Variants in KDM5A observed in about 807,000 individuals in gnomAD.
KDM5A encodes lysine-specific demethylase 5A.
Under a neutral mutation model 193.5 loss-of-function variants are expected in KDM5A, and 42 were observed. The observed-to-expected ratio is 0.22, with a 90% CI of 0.17 to 0.28. The LOEUF (loss-of-function observed/expected upper bound fraction) is 0.28, where lower values mean the gene tolerates loss of function less well. Among genes scored for constraint, KDM5A ranks in the 10% least tolerant of loss-of-function variants. KDM5A has a pLI of 1.00. For synonymous variants in KDM5A, 796 were observed against 718.1 expected, an observed-to-expected ratio of 1.11 and a Z score of -1.73; for missense variants, 1,692 against 2,055.1, an observed-to-expected ratio of 0.82 and a Z score of 3.42.
chr12:328,541 AT>A (rs1481134782), intron 14 of KDM5A, among the ~76,000 whole-genome samples: 4 of 152,230 alleles, frequency 2.6e-5, no homozygotes, highest in African/African-American at 7.2e-5. Flanking sequence ...GAAAAAAAAA[AT>A]GATTTAAATT....
chr12:288,322 A>G (rs1050124262), intron 27 of KDM5A, among the ~76,000 whole-genome samples: 1 of 152,190 alleles, frequency 6.6e-6, no homozygotes, highest in African/African-American at 2.4e-5. Context: ...TATTTCTAGG[A>G]GATGTATTTA....
chr12:294,492 T>TA (rs1341466622), intron 26 of KDM5A, among the ~76,000 whole-genome samples: 1 of 152,232 alleles, frequency 6.6e-6, no homozygotes, highest in East Asian at 1.9e-4. Context: ...AACCTCTTAA[T>TA]ACTTTGTGCT....
At position 366,111 on chromosome 12, in the gene KDM5A, A is replaced by G; in HGVS notation, c.367-7T>C. ...CTCCTTTGCTGGCAACAATCTGAAAAGAAAGTAAAAGTTGCTTAGAGAAAA... is the reference window on the plus strand; with the variant it reads ...CTCCTTTGCTGGCAACAATCTGAAAGGAAAGTAAAAGTTGCTTAGAGAAAA... On this transcript the variant is annotated splice_region_variant and splice_polypyrimidine_tract_variant and intron_variant, in intron 3 of 27. Coordinates refer to ENST00000399788, the MANE Select transcript of KDM5A (RefSeq NM_001042603.3). 1.2e-6 allele frequency: 2 copies of G among 1,613,802 alleles called. No homozygotes were observed. Among genetic ancestry groups the G allele is most frequent in the South Asian group, 2.2e-5 (2 of 90,980 alleles).
At chr12:337,229 T>C (rs1014965166) in intron 10 of KDM5A, among the ~76,000 whole-genome samples, 2 of 152,238 alleles carry the variant, frequency 1.3e-5, no homozygotes, top group African/African-American at 4.8e-5. Context: ...TCAGCCATGC[T>C]ACCTGTTCAG....
intron 5 of KDM5A, among the ~76,000 whole-genome samples, chr12:357,854 A>C (rs1565545204): frequency 6.8e-6 from 1 of 147,400 alleles, no homozygotes; most frequent in Non-Finnish European, 1.5e-5. Context: ...AAAAAAAAAA[A>C]GCCCTTTTGC....
Position 307,201 on chromosome 12 carries a change from G to T in KDM5A, c.3931-112C>A. 2 of 1,261,188 alleles carry T rather than the reference G, an allele frequency of 1.6e-6. No homozygotes were observed. The highest frequency in any genetic ancestry group is 2.3e-6 in the Non-Finnish European group (2 of 874,108). 78.1% of individuals were successfully genotyped at this position (1,261,188 alleles called of 1,614,324 possible). On this transcript the variant is annotated intron_variant, in intron 23 of 27. Transcript: ENST00000399788. This position sits in a 1 kb window ranked among gnomAD's most constrained non-coding sequence, Gnocchi z 4.3. ...ATGAATAAGCAAAGTGGCTAACAGA[G>T]TTCTTCAACAGTTAGTAGAAATCAA...
rs1565528368 is a variant in KDM5A, at chr12:307,064, G to C, written c.3956C>G (p.Ser1319Cys). Residue 1319 changes from serine to cysteine, a missense_variant, in exon 24 of 28, where the codon TCT (serine) becomes TGT (cysteine). Ser to Cys is a moderately radical substitution (Grantham distance 112). This residue lies in a region of KDM5A where 965 missense variants were observed against 1,061.0 expected (regional missense o/e 0.91). Transcript: ENST00000399788. The surrounding 1 kb of genome is among the most constrained non-coding windows in gnomAD (Gnocchi z 4.3). ...LQGHLPSFQQ[S>C]AFNRVVSSVS... ...ACTGCTCACCACCCGGTTAAAAGCA[G>C]ACTGCTGGAAACTAGGTAAGTGTCC... 3 of 1,614,134 alleles carry C rather than the reference G, an allele frequency of 1.9e-6. No homozygotes were observed. Among genetic ancestry groups the C allele is most frequent in the African/African-American group, 2.7e-5 (2 of 75,044 alleles).
intron 26 of KDM5A, among the ~76,000 whole-genome samples, chr12:294,216 T>TA (rs1264780906): frequency 6.6e-6 from 1 of 152,230 alleles, no homozygotes; most frequent in African/African-American, 2.4e-5. Flanking sequence ...TTCAGCTTTT[T>TA]AATATTGTTG....
chr12:323,602 A>G lies in KDM5A; in HGVS notation c.2148T>C (p.Leu716=). The change falls in exon 15 of 28, where the codon CTT becomes CTC. Residue 716 remains leucine, a splice_region_variant and synonymous_variant. Transcript: ENST00000399788. The stretch of plus-strand genomic sequence containing the variant: ...TTTTACAAAATACTTTTGGATACCT[A>G]AGACATTTCTTCTGCATGGGGCAGG... ...LCPCPMQKKC[L]RYRYPLEDLP... is the part of the protein sequence containing the mutation. The G allele has an allele frequency of 1.2e-6, 2 of 1,613,914 alleles. No homozygotes were observed. Among genetic ancestry groups the G allele is most frequent in the Non-Finnish European group, 1.7e-6 (2 of 1,179,734 alleles).
At chr12:356,951 T>C (rs1308230520) in intron 5 of KDM5A, among the ~76,000 whole-genome samples, 2 of 152,176 alleles carry the variant, frequency 1.3e-5, no homozygotes, top group African/African-American at 4.8e-5. Context: ...TAAAAAATTG[T>C]ACTGGAAGCC....
intron 10 of KDM5A, 42 bp from the exon 11 acceptor site, chr12:334,464 A>T (rs756176199): frequency 6.5e-7 from 1 of 1,547,088 alleles, no homozygotes; most frequent in Admixed American, 1.7e-5. Context: ...ATCAGAAATG[A>T]AAAGTGCTCA....
intron 14 of KDM5A, among the ~76,000 whole-genome samples, chr12:324,005 C>T (rs1049338469): frequency 3.9e-5 from 6 of 152,000 alleles, no homozygotes; most frequent in African/African-American, 1.5e-4. Context: ...ATTTGAGTGA[C>T]AAAACTATAA....
intron 17 of KDM5A, chr12:322,178 G>C: frequency 1.9e-6 from 1 of 533,744 alleles, no homozygotes; most frequent in Non-Finnish European, 3.4e-6. Flanking sequence ...AGAGCATGAA[G>C]TCCTAAGCAA....
At chr12:308,848 T>C (rs1943546373) in intron 22 of KDM5A, among the ~76,000 whole-genome samples, 2 of 152,214 alleles carry the variant, frequency 1.3e-5, no homozygotes, top group South Asian at 4.1e-4. Flanking sequence ...TCGTATTTAT[T>C]TTCCATTTCC....
intron 10 of KDM5A, among the ~76,000 whole-genome samples, chr12:340,434 G>A (rs953066518): frequency 2.6e-5 from 4 of 152,070 alleles, no homozygotes; most frequent in African/African-American, 4.8e-5. Context: ...AGTGGCTCAC[G>A]CCTGTAATCC....
chr12:336,821 C>A (rs1254766436), intron 10 of KDM5A, among the ~76,000 whole-genome samples: 2 of 143,748 alleles, frequency 1.4e-5, no homozygotes, highest in African/African-American at 5.3e-5. Flanking sequence ...GGCAACAGAG[C>A]GAGACTCCAT....
At chr12:385,725 T>C (rs1289451151) in intron 2 of KDM5A, among the ~76,000 whole-genome samples, 172 bp downstream of exon 2, 1 of 152,138 alleles carries the variant, frequency 6.6e-6, no homozygotes, top group Non-Finnish European at 1.5e-5. Context: ...CATAACAACT[T>C]TGCACAGTTT....
intron 4 of KDM5A, among the ~76,000 whole-genome samples, chr12:364,793 AAAAC>A (rs1338289069): frequency 3.3e-5 from 5 of 151,508 alleles, no homozygotes; most frequent in East Asian, 1.9e-4. Context: ...AAAAAAAAAA[AAAAC>A]AAACAAACAA....
At chr12:337,628 GA>G (rs1565538276) in intron 10 of KDM5A, among the ~76,000 whole-genome samples, 2 of 150,434 alleles carry the variant, frequency 1.3e-5, no homozygotes, top group African/African-American at 2.5e-5. Flanking sequence ...GATAAACATA[GA>G]ATCAAATATT....
Sources: allele counts gnomAD v4.1 joint callset (sites outside exome capture counted in the v4.1 genomes callset), GRCh38; gene constraint gnomAD v4.1.1; regional missense constraint gnomAD v4.1.1; non-coding constraint Gnocchi (gnomAD v3.1); transcripts MANE v1.5; gene names NCBI Gene and HGNC (gene_info 2026-07-23, HGNC 2026-07-21).